AR: variants seen among roughly 807,000 people sequenced by gnomAD.
The protein encoded by AR is dihydrotestosterone receptor.
A neutral mutation model predicts 53.9 loss-of-function variants in AR; 8 were observed. The ratio of observed to expected loss-of-function variants is 0.15; its 90% CI spans 0.09 to 0.27. AR has a LOEUF of 0.27. Among genes scored for constraint, AR ranks in the 10% least tolerant of loss-of-function variants. AR has a pLI of 1.00. For synonymous variants in AR, 359 were observed against 316.4 expected, an observed-to-expected ratio of 1.13 and a Z score of -1.43; for missense variants, 639 against 742.5, an observed-to-expected ratio of 0.86 and a Z score of 1.62.
At chrX:67,658,261 A>G (rs993042224) in intron 2 of AR, among the ~76,000 whole-genome samples, 19 of 112,196 alleles carry the variant, frequency 1.7e-4, no homozygotes, top group African/African-American at 6.1e-4. Flanking sequence ...AGGCTTAGAT[A>G]CAGCATGAAA....
At chrX:67,682,655 C>T (rs753350812) in intron 2 of AR, among the ~76,000 whole-genome samples, 58 of 111,071 alleles carry the variant, frequency 5.2e-4, no homozygotes, top group Non-Finnish European at 1.0e-3. Context: ...CTGTTAAGAA[C>T]TCTGATAGCC....
intron 2 of AR, among the ~76,000 whole-genome samples, chrX:67,673,339 C>A (rs1378780494): frequency 1.0e-5 from 1 of 97,338 alleles, no homozygotes. Context: ...TTTGAATAAA[C>A]TTTCTACCAA....
chrX:67,640,315 C>G (rs1925678421), intron 1 of AR, among the ~76,000 whole-genome samples: 1 of 110,994 alleles, frequency 9.0e-6, no homozygotes, highest in Admixed American at 9.7e-5. Flanking sequence ...GTTTTGGTAT[C>G]AGGATGATGC....
At chrX:67,628,430 T>C (rs1410851331) in intron 1 of AR, among the ~76,000 whole-genome samples, 1 of 105,460 alleles carries the variant, frequency 9.5e-6, no homozygotes. Context: ...ATGATTTGGC[T>C]CTCTGTTTGT....
chrX:67,721,746 G>T (rs1473633999), intron 5 of AR, 87 bp from the exon 6 acceptor site: 1 of 1,149,013 alleles, frequency 8.7e-7, no homozygotes, highest in Non-Finnish European at 1.2e-6. Flanking sequence ...TGGAAAACCT[G>T]GCGAGGGATG....
intron 2 of AR, 44 bp downstream of exon 2, chrX:67,643,451 A>G (rs1259418675): frequency 8.5e-7 from 1 of 1,175,928 alleles, no homozygotes; most frequent in Non-Finnish European, 1.1e-6. Context: ...TTTCTCCTTT[A>G]CCTTCCAGAG....
At chrX:67,710,411 C>T (rs2076089134) in intron 3 of AR, among the ~76,000 whole-genome samples, 1 of 111,251 alleles carries the variant, frequency 9.0e-6, no homozygotes, top group Non-Finnish European at 1.9e-5. Context: ...GCCTGGAACC[C>T]CTGGGCTCAA....
intron 2 of AR, among the ~76,000 whole-genome samples, chrX:67,670,892 G>T (rs1039210772): frequency 9.0e-6 from 1 of 110,818 alleles, no homozygotes; most frequent in African/African-American, 3.3e-5. Flanking sequence ...TGAGGATGAT[G>T]GTTTCCAGCT....
rs956246945 is a variant in AR at position 67,637,193 on chromosome X, ATACTTT to A, written c.1617-6062_1617-6057del. On this transcript the variant is annotated intron_variant, in intron 1 of 7. Transcript: ENST00000374690. Reference sequence around the variant, plus strand: ...GTTTTTTTTTTATTTTATTATTATTATACTTTAAGTTTTAGGGTACATGTGCACAAC... The same window carrying A: ...GTTTTTTTTTTATTTTATTATTATTAAAGTTTTAGGGTACATGTGCACAAC... 1.4e-3 allele frequency among the ~76,000 whole-genome samples: 156 copies of A among 109,698 alleles called. 1 individual carries two copies. The highest frequency in any genetic ancestry group is 2.7e-3 in the Non-Finnish European group (141 of 52,649).
chrX:67,722,014 A>G (rs760399860), intron 6 of AR, 51 bp downstream of exon 6: 2 of 1,194,593 alleles, frequency 1.7e-6, no homozygotes, highest in South Asian at 3.6e-5. Flanking sequence ...AGAGATTCAG[A>G]GAGGACCACT....
chrX:67,651,441 T>G (rs1410492652), intron 2 of AR, among the ~76,000 whole-genome samples: 1 of 111,102 alleles, frequency 9.0e-6, no homozygotes, highest in Non-Finnish European at 1.9e-5. Flanking sequence ...CTCTTGGTTT[T>G]CCATATAAGT....
intron 2 of AR, among the ~76,000 whole-genome samples, chrX:67,657,548 C>A (rs1602230474): frequency 1.8e-5 from 2 of 112,093 alleles, no homozygotes; most frequent in African/African-American, 6.5e-5. Context: ...ACTCACTTGG[C>A]TGAAACCATG....
At chrX:67,630,525 ATG>A (rs1925021613) in intron 1 of AR, among the ~76,000 whole-genome samples, 1 of 110,373 alleles carries the variant, frequency 9.1e-6, no homozygotes, top group African/African-American at 3.3e-5. Context: ...TTTTGAGCCT[ATG>A]TGTGTCTCTG....
Position 67,728,161 on chromosome X carries a change from T to G in AR, c.*4320T>G, listed in dbSNP as rs1157854050. Reference sequence around the variant, plus strand: ...TAAAGGACTCTGCTGGTGACTGACTTATAAGAGCTTTGTGGGTTTTTTTTT... The same window carrying G: ...TAAAGGACTCTGCTGGTGACTGACTGATAAGAGCTTTGTGGGTTTTTTTTT... On this transcript the variant is annotated 3_prime_UTR_variant, in exon 8 of 8. Transcript: ENST00000374690. 2 of 128,568 alleles carry G rather than the reference T, an allele frequency of 1.6e-5. No individual in the cohort carries two copies. Among genetic ancestry groups the G allele is most frequent in the Non-Finnish European group, 2.9e-5 (2 of 69,621 alleles). The allele number at this position is 128,568 out of a possible 1,213,427, so 10.6% of individuals were successfully genotyped here. A position where few individuals can be genotyped will look rare whatever the true frequency, so the allele number is the denominator to read the frequency against.
At chrX:67,669,761 C>G (rs1282398465) in intron 2 of AR, among the ~76,000 whole-genome samples, 1 of 110,042 alleles carries the variant, frequency 9.1e-6, no homozygotes, top group Admixed American at 9.8e-5. Context: ...TTGTTGTATC[C>G]TCCTGATGAA....
chrX:67,637,168 G>GT (rs1017818869), intron 1 of AR, among the ~76,000 whole-genome samples: 1,651 of 104,964 alleles, frequency 0.016, 9 homozygotes, highest in Middle Eastern at 0.029. Context: ...ACACCATATT[G>GT]TTTTTTTTTT....
rs754069124 is a variant in AR at position 67,708,360 on chromosome X, CTAA to C, written c.1886-3041_1886-3039del. ...TCGTTTCTTTTTACTCTTTTTTTCT[CTAA>C]ACTTCTCTTCTCGCTTCATTTCATT... is the stretch of plus-strand genomic sequence containing the variant. On this transcript the variant is annotated intron_variant, in intron 3 of 7. Transcript: ENST00000374690. 1.9e-3 allele frequency among the ~76,000 whole-genome samples: 214 copies of C among 111,431 alleles called. 6 individuals are homozygous for C. In the East Asian group the frequency reaches 0.055, roughly 28 times the overall value.
Position 67,685,901 on chromosome X carries a change from T to A in AR, c.1769-109T>A, listed in dbSNP as rs763659286. 111 of 1,113,617 alleles carry A rather than the reference T, an allele frequency of 1.0e-4. No individual in the cohort carries two copies. The South Asian group carries it at 2.1e-3, about 21-fold the overall frequency. 91.8% of individuals were successfully genotyped at this position (1,113,617 alleles called of 1,213,427 possible). ...TGGTGCCATACTCTGTCCACTTTTTTCATGTGGTAGGATATAATTTCATAT... is the reference window on the plus strand; with the variant it reads ...TGGTGCCATACTCTGTCCACTTTTTACATGTGGTAGGATATAATTTCATAT... On this transcript the variant is annotated intron_variant, in intron 2 of 7. Coordinates refer to ENST00000374690, the MANE Select transcript of AR (RefSeq NM_000044.6).
At chrX:67,623,864 G>A (rs1431628573) in intron 1 of AR, among the ~76,000 whole-genome samples, 1 of 111,340 alleles carries the variant, frequency 9.0e-6, no homozygotes, top group African/African-American at 3.3e-5. Context: ...CATTGCATTA[G>A]TTCATTCTCA....
Sources: allele counts gnomAD v4.1 joint callset (sites outside exome capture counted in the v4.1 genomes callset), GRCh38; gene constraint gnomAD v4.1.1; transcripts MANE v1.5; gene names NCBI Gene and HGNC (gene_info 2026-07-23, HGNC 2026-07-21).